Variants in MBNL2 observed in about 807,000 individuals in gnomAD.
MBNL2 encodes muscleblind-like protein 2.
A neutral mutation model predicts 41.9 loss-of-function variants in MBNL2; 17 were observed. That is an observed-to-expected ratio of 0.41 (90% CI 0.28 to 0.61). The LOEUF is 0.61. Ranked by LOEUF, MBNL2 falls within the 20% of genes least tolerant of loss-of-function variation. The pLI, the probability that MBNL2 is intolerant of heterozygous loss-of-function variation, is 0.35. For missense variants in MBNL2, 336 were observed against 505.6 expected (o/e 0.66, Z 3.22); for synonymous variants, 195 against 182.9 (o/e 1.07, Z -0.53).
At chr13:97,291,968 C>T (rs1011755121) in intron 2 of MBNL2, among the ~76,000 whole-genome samples, 3 of 148,572 alleles carry the variant, frequency 2.0e-5, no homozygotes, top group East Asian at 4.0e-4. Flanking sequence ...TTCGGGAGGC[C>T]GAGGTGGGCG....
At chr13:97,250,408 CT>C (rs1447781968) in intron 1 of MBNL2, among the ~76,000 whole-genome samples, 2 of 152,158 alleles carry the variant, frequency 1.3e-5, no homozygotes, top group African/African-American at 4.8e-5. Flanking sequence ...CTCTTGGTCC[CT>C]TTTCAGCTCA....
the MBNL2 span, among the ~76,000 whole-genome samples, chr13:97,209,183 C>T: frequency 1.3e-5 from 2 of 152,234 alleles, no homozygotes; most frequent in South Asian, 4.2e-4. Context: ...TTTTCTACTT[C>T]GAGGATAATG....
At chr13:97,295,990 C>A (rs2056948677) in intron 2 of MBNL2, among the ~76,000 whole-genome samples, 1 of 152,266 alleles carries the variant, frequency 6.6e-6, no homozygotes, top group African/African-American at 2.4e-5. Flanking sequence ...TGCTTTATAT[C>A]ATAAGAACCA....
chr13:97,225,391 A>G (rs2041446496), intron 1 of MBNL2, among the ~76,000 whole-genome samples: 1 of 152,202 alleles, frequency 6.6e-6, no homozygotes, highest in Non-Finnish European at 1.5e-5. Context: ...AAAATGACAA[A>G]ACAGATTATC....
rs149085279 is a variant in MBNL2 at position 97,282,332 on chromosome 13, G to A, written c.174+5923G>A. 6.4e-3 allele frequency among the ~76,000 whole-genome samples: 979 copies of A among 152,072 alleles called. 11 individuals are homozygous for A. Among genetic ancestry groups the A allele is most frequent in the African/African-American group, 0.022 (930 of 41,468 alleles). On this transcript the variant is annotated intron_variant, in intron 2 of 8. Coordinates refer to ENST00000679496, the MANE Select transcript of MBNL2 (RefSeq NM_001382683.1). The stretch of plus-strand genomic sequence containing the variant: ...ATTGCACCACTGTACTCCAGCCTGG[G>A]GGACACAGCAAGACTTCATCTCAAG...
At chr13:97,325,670 C>T (rs1162885264) in intron 2 of MBNL2, among the ~76,000 whole-genome samples, 1 of 152,128 alleles carries the variant, frequency 6.6e-6, no homozygotes, top group Non-Finnish European at 1.5e-5. Flanking sequence ...GTCGAGACTG[C>T]AGTGAGCTAT....
the MBNL2 span, among the ~76,000 whole-genome samples, chr13:97,158,358 A>G: frequency 6.6e-6 from 1 of 151,796 alleles, no homozygotes; most frequent in Non-Finnish European, 1.5e-5. Context: ...TCCTGGATTC[A>G]TTAATTTTTT....
chr13:97,200,624 T>C, the MBNL2 span, among the ~76,000 whole-genome samples: 2 of 152,258 alleles, frequency 1.3e-5, no homozygotes, highest in African/African-American at 2.4e-5. Context: ...TAAAGACATT[T>C]TAGCCACATC....
At chr13:97,225,574 C>T (rs1324539032) in intron 1 of MBNL2, among the ~76,000 whole-genome samples, 1 of 151,886 alleles carries the variant, frequency 6.6e-6, no homozygotes, top group Non-Finnish European at 1.5e-5. Flanking sequence ...AGAAACCTGG[C>T]AACTCTAGGG....
At chr13:97,223,565 C>T (rs961916737) in intron 1 of MBNL2, among the ~76,000 whole-genome samples, 8 of 152,168 alleles carry the variant, frequency 5.3e-5, no homozygotes, top group Non-Finnish European at 8.8e-5. Context: ...TCTGACTTGC[C>T]TAACCACCAC....
intron 1 of MBNL2, among the ~76,000 whole-genome samples, chr13:97,248,919 A>G (rs747540148): frequency 2.0e-5 from 3 of 152,238 alleles, no homozygotes; most frequent in African/African-American, 7.2e-5. Flanking sequence ...TACTATTATT[A>G]GAAAGCTACA....
chr13:97,167,252 C>G, the MBNL2 span, among the ~76,000 whole-genome samples: 9 of 152,066 alleles, frequency 5.9e-5, no homozygotes, highest in Non-Finnish European at 1.2e-4. Flanking sequence ...AGAACATATG[C>G]AAGAGGGTGC....
the MBNL2 span, among the ~76,000 whole-genome samples, chr13:97,154,792 AGGATGGATGGATGGATGGAT>A: frequency 9.6e-5 from 14 of 146,168 alleles, no homozygotes; most frequent in African/African-American, 2.8e-4. Context: ...AAATGGTATA[AGGATGGATGGATGGATGGAT>A]GGATGGATGG....
At chr13:97,348,640 C>T (rs536121952) in intron 5 of MBNL2, among the ~76,000 whole-genome samples, 2 of 152,268 alleles carry the variant, frequency 1.3e-5, no homozygotes, top group South Asian at 4.2e-4. Context: ...ATAACATGCT[C>T]CTCAGTGACA....
chr13:97,342,180 A>G (rs934585186), intron 3 of MBNL2, among the ~76,000 whole-genome samples: 16 of 152,226 alleles, frequency 1.1e-4, no homozygotes, highest in African/African-American at 3.1e-4. Flanking sequence ...AATTATTTAC[A>G]TATTATTAGG....
At chr13:97,164,525 C>G in the MBNL2 span, among the ~76,000 whole-genome samples, 1 of 151,934 alleles carries the variant, frequency 6.6e-6, no homozygotes, top group South Asian at 2.1e-4. Context: ...ATTTAAATGC[C>G]TAATTGCAAG....
chr13:97,164,168 A>C, the MBNL2 span, among the ~76,000 whole-genome samples: 2 of 152,084 alleles, frequency 1.3e-5, no homozygotes, highest in Admixed American at 6.6e-5. Flanking sequence ...CACCATGTCC[A>C]GCTAATTTTT....
At chr13:97,249,080 T>G (rs546541026) in intron 1 of MBNL2, among the ~76,000 whole-genome samples, 1 of 152,236 alleles carries the variant, frequency 6.6e-6, no homozygotes, top group South Asian at 2.1e-4. Flanking sequence ...ACTTAGTTTT[T>G]AAAAACACAT....
At chr13:97,265,356 A>G (rs1219178177) in intron 1 of MBNL2, among the ~76,000 whole-genome samples, 2 of 152,208 alleles carry the variant, frequency 1.3e-5, no homozygotes, top group Non-Finnish European at 2.9e-5. Flanking sequence ...GGGTAACCCT[A>G]TGTTTTATTT....
Sources: gnomAD v4.1 joint callset for allele counts (sites outside exome capture counted in the v4.1 genomes callset) on GRCh38, gnomAD v4.1.1 for gene constraint, MANE v1.5 for transcripts, NCBI Gene and HGNC (gene_info 2026-07-23, HGNC 2026-07-21) for gene names.